PIP5K1B: variants seen among roughly 807,000 people sequenced by gnomAD.
PIP5K1B encodes the protein phosphatidylinositol-4-phosphate 5-kinase type 1 beta, also known as phosphatidylinositol 4-phosphate 5-kinase type-1 beta.
Under a neutral mutation model 67.0 loss-of-function variants are expected in PIP5K1B, and 42 were observed. That is an observed-to-expected ratio of 0.63 (90% confidence interval 0.49 to 0.81). The LOEUF is 0.81. PIP5K1B is among the 30% of genes least tolerant of loss of function. The pLI is 0.00. For synonymous variants in PIP5K1B, 214 were observed against 231.4 expected (o/e 0.92, Z 0.68); for missense variants, 459 against 646.3 (o/e 0.71, Z 3.14).
At chr9:68,861,907 T>TTG (rs995641805) in intron 4 of PIP5K1B, among the ~76,000 whole-genome samples, 5 of 151,840 alleles carry the variant, frequency 3.3e-5, no homozygotes, top group African/African-American at 1.2e-4. Context: ...TTTTTGTTTT[T>TTG]TTTTTTTAAG....
intron 4 of PIP5K1B, among the ~76,000 whole-genome samples, chr9:68,826,048 A>C (rs1443218908): frequency 1.3e-5 from 2 of 152,188 alleles, no homozygotes; most frequent in African/African-American, 4.8e-5. Flanking sequence ...AGTTCTTGGC[A>C]AGCCCGGGAA....
chr9:68,780,343 G>A, intron 2 of PIP5K1B: 3 of 1,608,928 alleles, frequency 1.9e-6, no homozygotes, highest in Non-Finnish European at 2.5e-6. Flanking sequence ...AGCGCCAGGC[G>A]GAACAGCACA....
intron 9 of PIP5K1B, among the ~76,000 whole-genome samples, 191 bp downstream of exon 9, chr9:68,917,950 A>G (rs1826182743): frequency 6.6e-6 from 1 of 152,166 alleles, no homozygotes; most frequent in Admixed American, 6.5e-5. Context: ...TTCTCCAGTT[A>G]TTACTCCTTC....
intron 14 of PIP5K1B, among the ~76,000 whole-genome samples, chr9:68,954,447 T>C (rs1346638006): frequency 6.6e-6 from 1 of 152,214 alleles, no homozygotes. Context: ...CATAACTTAA[T>C]AGCAAAAGTG....
rs765239821 is a variant in PIP5K1B at position 68,894,473 on chromosome 9, T to C, written c.606T>C (p.Tyr202=). 5 of 1,614,164 alleles carry C rather than the reference T, an allele frequency of 3.1e-6. No individual in the cohort carries two copies. Among genetic ancestry groups the C allele is most frequent in the East Asian group, 2.2e-5 (1 of 44,876 alleles). ...GCTCCATGAGAATGCACTTTACATA[T>C]GACTTGAAAGGCTCAACGTATAAGC... ...LPRSMRMHFT[Y]DLKGSTYKRR... Residue 202 remains tyrosine, a synonymous_variant, in exon 8 of 16, where the codon TAT becomes TAC. Coordinates refer to ENST00000265382, the MANE Select transcript of PIP5K1B (RefSeq NM_003558.4).
intron 8 of PIP5K1B, among the ~76,000 whole-genome samples, chr9:68,895,079 T>C (rs1054130465): frequency 9.2e-5 from 14 of 151,998 alleles, no homozygotes; most frequent in African/African-American, 3.1e-4. Flanking sequence ...TAATAATGGC[T>C]CCCTAGAGAT....
At chr9:68,738,588 G>A (rs1247757016) in intron 1 of PIP5K1B, among the ~76,000 whole-genome samples, 1 of 152,180 alleles carries the variant, frequency 6.6e-6, no homozygotes, top group Non-Finnish European at 1.5e-5. Flanking sequence ...ATGACAAGGG[G>A]TGGGGTGAAG....
chr9:68,814,776 T>C (rs1336859040), intron 2 of PIP5K1B, among the ~76,000 whole-genome samples: 2 of 152,208 alleles, frequency 1.3e-5, no homozygotes, highest in African/African-American at 4.8e-5. Context: ...GCCGAGATCA[T>C]GCCACTTCAC....
At chr9:68,995,307 C>T (rs1830557419) in intron 15 of PIP5K1B, among the ~76,000 whole-genome samples, 1 of 152,188 alleles carries the variant, frequency 6.6e-6, no homozygotes, top group African/African-American at 2.4e-5. Context: ...GCTGTTTAAT[C>T]ACCTCCTGTA....
chr9:68,821,224 C>T (rs1163706456), intron 3 of PIP5K1B, among the ~76,000 whole-genome samples: 3 of 152,150 alleles, frequency 2.0e-5, no homozygotes, highest in Non-Finnish European at 2.9e-5. Context: ...CCACTGTACT[C>T]CAGCCTGAGT....
chr9:68,940,740 A>C lies in PIP5K1B; in HGVS notation c.1452A>C (p.Leu484Phe). Residue 484 changes from leucine (L) to phenylalanine (F), a missense_variant, in exon 14 of 16, where the codon TTA becomes TTC. This residue lies in a region of PIP5K1B where 169 missense variants were observed against 171.9 expected (regional missense o/e 0.98). Coordinates refer to ENST00000265382, the MANE Select transcript of PIP5K1B (RefSeq NM_003558.4). ...CAACCACAATTTCATCTTCTTCCTT[A>C]TACGTCAATGAGCACTATCCACACG... ...SLATTISSSS[L>F]YVNEHYPHDR... 6.2e-7 allele frequency: 1 copy of C among 1,613,924 alleles called. No individual in the cohort carries two copies. Among genetic ancestry groups the C allele is most frequent in the East Asian group, 2.2e-5 (1 of 44,880 alleles).
intron 2 of PIP5K1B, among the ~76,000 whole-genome samples, chr9:68,801,034 G>A (rs1341778347): frequency 6.6e-6 from 1 of 152,154 alleles, no homozygotes; most frequent in Non-Finnish European, 1.5e-5. Flanking sequence ...CTCAGGCCTC[G>A]CTGAGTCAGC....
intron 15 of PIP5K1B, among the ~76,000 whole-genome samples, chr9:69,002,992 TAATAA>T: frequency 6.6e-6 from 1 of 152,026 alleles, no homozygotes; most frequent in East Asian, 1.9e-4. Context: ...CAAAAAATAA[TAATAA>T]AATAAAATTC....
At chr9:68,928,187 T>A (rs991431708) in intron 12 of PIP5K1B, among the ~76,000 whole-genome samples, 1 of 152,228 alleles carries the variant, frequency 6.6e-6, no homozygotes, top group Non-Finnish European at 1.5e-5. Flanking sequence ...AGTACCATAC[T>A]ATCCTCATTA....
intron 4 of PIP5K1B, among the ~76,000 whole-genome samples, chr9:68,825,292 T>C (rs116226256): frequency 1.6e-3 from 248 of 152,304 alleles, no homozygotes; most frequent in African/African-American, 5.8e-3. Flanking sequence ...GGGTTAAATA[T>C]TATGTTTATT....
chr9:68,913,097 T>C (rs1216858009), intron 8 of PIP5K1B, among the ~76,000 whole-genome samples: 1 of 152,236 alleles, frequency 6.6e-6, no homozygotes, highest in Non-Finnish European at 1.5e-5. Context: ...TGACTTAAAT[T>C]AGTCCTTGAG....
chr9:68,826,827 C>T (rs1255568852), intron 4 of PIP5K1B, among the ~76,000 whole-genome samples: 2 of 152,204 alleles, frequency 1.3e-5, no homozygotes, highest in Non-Finnish European at 2.9e-5. Context: ...TCTTGGCTCA[C>T]TGCAACCTCT....
At chr9:68,943,837 G>A (rs1827677725) in intron 14 of PIP5K1B, among the ~76,000 whole-genome samples, 1 of 152,158 alleles carries the variant, frequency 6.6e-6, no homozygotes, top group African/African-American at 2.4e-5. Context: ...ACTAGCAGTT[G>A]TCATTCTGTC....
chr9:68,922,726 A>G (rs12351485), intron 11 of PIP5K1B, among the ~76,000 whole-genome samples: 16,779 of 152,188 alleles, frequency 0.11, 2,112 homozygotes, highest in African/African-American at 0.31. Flanking sequence ...GTTTAATTCA[A>G]TTCAACTCTA....
Sources: allele counts gnomAD v4.1 joint callset (sites outside exome capture counted in the v4.1 genomes callset), GRCh38; gene constraint gnomAD v4.1.1; regional missense constraint gnomAD v4.1.1; transcripts MANE v1.5; gene names NCBI Gene and HGNC (gene_info 2026-07-23, HGNC 2026-07-21).